The following EXOC6B variants were observed in gnomAD, a reference collection of about 807,000 sequenced individuals.
EXOC6B encodes the protein exocyst complex component 6B, also known as SEC15 homolog B.
A neutral mutation model predicts 113.5 loss-of-function variants in EXOC6B; 54 were observed. The ratio of observed to expected loss-of-function variants is 0.48; its 90% CI spans 0.38 to 0.60. EXOC6B has a LOEUF of 0.60. Among genes scored for constraint, EXOC6B ranks in the 20% least tolerant of loss-of-function variants. The pLI, the probability that EXOC6B is intolerant of heterozygous loss-of-function variation, is 0.00. For missense variants in EXOC6B, 797 were observed against 977.5 expected (o/e 0.82, Z 2.46); for synonymous variants, 357 against 339.0 (o/e 1.05, Z -0.58).
At chr2:72,335,164 CTTT>C (rs1688622676) in intron 19 of EXOC6B, 144 bp from the exon 20 acceptor site, 4 of 673,560 alleles carry the variant, frequency 5.9e-6, no homozygotes, top group Non-Finnish European at 1.0e-5. Flanking sequence ...CCTTCAGCTT[CTTT>C]GTTTGCCCTT....
At chr2:72,773,706 T>TTAAAA (rs1360333308) in intron 1 of EXOC6B, among the ~76,000 whole-genome samples, 1 of 152,122 alleles carries the variant, frequency 6.6e-6, no homozygotes, top group African/African-American at 2.4e-5. Flanking sequence ...AAACAAATAG[T>TTAAAA]TAAAATAGTT....
intron 5 of EXOC6B, among the ~76,000 whole-genome samples, chr2:72,720,739 G>T (rs922834785): frequency 6.6e-6 from 1 of 151,900 alleles, no homozygotes; most frequent in African/African-American, 2.4e-5. Context: ...GGGTAACAGA[G>T]TGAGACCCGT....
chr2:72,334,725 AC>A (rs1688590367), intron 20 of EXOC6B, among the ~76,000 whole-genome samples: 1 of 57,842 alleles, frequency 1.7e-5, no homozygotes, highest in African/African-American at 6.6e-5. Flanking sequence ...CCCTCCTCCC[AC>A]CCCCGCCTTC....
At chr2:72,624,800 AG>A in intron 6 of EXOC6B, among the ~76,000 whole-genome samples, 1 of 152,288 alleles carries the variant, frequency 6.6e-6, no homozygotes, top group Middle Eastern at 3.4e-3. Context: ...ACCTACCACT[AG>A]CCAGGTACCA....
chr2:72,801,834 T>C (rs375414704), intron 1 of EXOC6B, among the ~76,000 whole-genome samples: 2 of 152,204 alleles, frequency 1.3e-5, no homozygotes, highest in East Asian at 3.8e-4. Context: ...AAAGAAGTTA[T>C]TACAGTCTCC....
chr2:72,706,293 G>A (rs1678872324), intron 6 of EXOC6B, among the ~76,000 whole-genome samples: 1 of 152,154 alleles, frequency 6.6e-6, no homozygotes, highest in Admixed American at 6.6e-5. Flanking sequence ...AAAAAAACCA[G>A]CTGAAAGGTG....
chr2:72,614,416 T>C (rs1313783434), intron 6 of EXOC6B, among the ~76,000 whole-genome samples: 1 of 151,520 alleles, frequency 6.6e-6, no homozygotes, highest in African/African-American at 2.4e-5. Flanking sequence ...AGCCTGTATA[T>C]GGATCTGGAG....
chr2:72,371,393 C>A (rs56184446), intron 19 of EXOC6B, among the ~76,000 whole-genome samples: 29,224 of 152,068 alleles, frequency 0.19, 5,084 homozygotes, highest in African/African-American at 0.47. Context: ...AAAAAGAAAA[C>A]TACATGCCAA....
At chr2:72,822,177 A>G (rs1218896968) in intron 1 of EXOC6B, among the ~76,000 whole-genome samples, 2 of 152,248 alleles carry the variant, frequency 1.3e-5, no homozygotes, top group Non-Finnish European at 2.9e-5. Flanking sequence ...TTGTTCATAA[A>G]TGATTTGTCA....
chr2:72,575,366 C>A (rs1282621962), intron 7 of EXOC6B, 126 bp downstream of exon 7: 3 of 768,944 alleles, frequency 3.9e-6, no homozygotes, highest in African/African-American at 1.8e-5. Context: ...TATTTGTATT[C>A]AAAATGGTAT....
chr2:72,574,614 T>G (rs528058283), intron 7 of EXOC6B, among the ~76,000 whole-genome samples: 1 of 152,288 alleles, frequency 6.6e-6, no homozygotes, highest in East Asian at 1.9e-4. Context: ...AAAAGGCTAC[T>G]GAGTACAAGA....
chr2:72,714,575 G>C (rs1679483745), intron 6 of EXOC6B, among the ~76,000 whole-genome samples: 2 of 152,044 alleles, frequency 1.3e-5, no homozygotes, highest in African/African-American at 4.8e-5. Flanking sequence ...CACAGAGTTA[G>C]AAAGGTGAAC....
chr2:72,184,055 C>A lies in EXOC6B; in HGVS notation c.2309+20G>T. On this transcript the variant is annotated intron_variant, in intron 21 of 21. Transcript: ENST00000272427. ...CTGTCTCCCCACCTCCCAACACAGA[C>A]CATTGGACAAGGTACTCACTTCTCA... 7.2e-7 allele frequency: 1 copy of A among 1,391,026 alleles called. No homozygotes were observed. Among genetic ancestry groups the A allele is most frequent in the Non-Finnish European group, 1.0e-6 (1 of 999,824 alleles). 86.2% of individuals were successfully genotyped at this position (1,391,026 alleles called of 1,614,324 possible).
At chr2:72,764,578 AG>A (rs1306668437) in intron 1 of EXOC6B, among the ~76,000 whole-genome samples, 7 of 151,768 alleles carry the variant, frequency 4.6e-5, no homozygotes, top group Non-Finnish European at 8.8e-5. Context: ...TATGTTACGC[AG>A]GTTGGTCTCA....
chr2:72,369,686 A>C (rs1166250315), intron 19 of EXOC6B, among the ~76,000 whole-genome samples: 5 of 152,182 alleles, frequency 3.3e-5, no homozygotes, highest in Non-Finnish European at 5.9e-5. Context: ...GGAACAGAAC[A>C]GAGCCCTCAG....
At chr2:72,723,088 C>T (rs955252074) in intron 5 of EXOC6B, among the ~76,000 whole-genome samples, 9 of 152,062 alleles carry the variant, frequency 5.9e-5, no homozygotes, top group African/African-American at 1.9e-4. Context: ...AGAATGATAG[C>T]CAACTAACAC....
At chr2:72,574,169 A>C (rs1704686000) in intron 7 of EXOC6B, among the ~76,000 whole-genome samples, 1 of 152,170 alleles carries the variant, frequency 6.6e-6, no homozygotes, top group South Asian at 2.1e-4. Context: ...TGTTCTATCA[A>C]ACTTAAATGC....
intron 19 of EXOC6B, among the ~76,000 whole-genome samples, chr2:72,364,916 A>AT (rs1216891246): frequency 6.6e-6 from 1 of 152,056 alleles, no homozygotes; most frequent in Non-Finnish European, 1.5e-5. Flanking sequence ...ATGAGCTTCT[A>AT]TTTTTTCCTC....
At chr2:72,568,054 T>C (rs1704293028) in intron 7 of EXOC6B, among the ~76,000 whole-genome samples, 1 of 152,038 alleles carries the variant, frequency 6.6e-6, no homozygotes, top group South Asian at 2.1e-4. Flanking sequence ...CGGGTACCTT[T>C]ATGGTGAAGA....
Sources: gnomAD v4.1 joint callset for allele counts (sites outside exome capture counted in the v4.1 genomes callset) on GRCh38, gnomAD v4.1.1 for gene constraint, MANE v1.5 for transcripts, NCBI Gene and HGNC (gene_info 2026-07-23, HGNC 2026-07-21) for gene names.